The following ST18 variants were observed in gnomAD, a reference collection of about 807,000 sequenced individuals.
The protein encoded by ST18 is ST18 C2H2C-type zinc finger transcription factor, also known as suppression of tumorigenicity 18 protein.
Under a neutral mutation model 110.0 loss-of-function variants are expected in ST18, and 50 were observed. The ratio of observed to expected loss-of-function variants is 0.45; its 90% CI spans 0.36 to 0.58. ST18 has a LOEUF of 0.58. Ranked by LOEUF, ST18 falls within the 20% of genes least tolerant of loss-of-function variation. The pLI is 0.00. For synonymous variants in ST18, 461 were observed against 452.4 expected (o/e 1.02, Z -0.24); for missense variants, 1,306 against 1,280.1 (o/e 1.02, Z -0.31).
intron 6 of ST18, 34 bp from the exon 7 acceptor site, chr8:52,214,291 C>G: frequency 6.2e-7 from 1 of 1,610,422 alleles, no homozygotes; most frequent in Admixed American, 1.7e-5. Flanking sequence ...GAGGTCATTC[C>G]TTTGACATTG....
intron 4 of ST18, among the ~76,000 whole-genome samples, chr8:52,221,080 CCTATCTCTATCTAT>C (rs2086472816): frequency 7.6e-6 from 1 of 131,636 alleles, no homozygotes; most frequent in African/African-American, 2.9e-5. Context: ...TACCAAACTA[CCTATCTCTATCTAT>C]CTATCTATCT....
intron 15 of ST18, among the ~76,000 whole-genome samples, chr8:52,152,279 T>A (rs2132615680): frequency 6.6e-6 from 1 of 152,310 alleles, no homozygotes; most frequent in South Asian, 2.1e-4. Flanking sequence ...CAGCATGGGC[T>A]TTTATTCAGA....
At chr8:52,116,538 G>T (rs995346455) in intron 24 of ST18, 120 bp from the exon 25 acceptor site, 3 of 968,500 alleles carry the variant, frequency 3.1e-6, no homozygotes, top group African/African-American at 1.7e-5. Flanking sequence ...AGATGCATGC[G>T]TGTAACTTCT....
At chr8:52,162,712 G>C (rs1022168857) in intron 13 of ST18, among the ~76,000 whole-genome samples, 4 of 152,170 alleles carry the variant, frequency 2.6e-5, no homozygotes, top group African/African-American at 9.7e-5. Context: ...GATTTGTGTA[G>C]CACTGATTCC....
intron 10 of ST18, among the ~76,000 whole-genome samples, chr8:52,170,350 G>C (rs1259196971): frequency 6.6e-6 from 1 of 152,064 alleles, no homozygotes; most frequent in Non-Finnish European, 1.5e-5. Flanking sequence ...TAGCTACTCG[G>C]GAGGCTGAGG....
chr8:52,404,272 TA>T (rs1843707344), intron 2 of ST18: 1 of 152,226 alleles, frequency 6.6e-6, no homozygotes, highest in Admixed American at 6.5e-5. Context: ...GCATTGTCAA[TA>T]AAGGGCTTTT....
At chr8:52,405,748 A>T (rs901846924) in intron 2 of ST18, 1 of 152,130 alleles carries the variant, frequency 6.6e-6, no homozygotes, top group Non-Finnish European at 1.5e-5. Context: ...ATAAAAGTAG[A>T]TTCTTAAAAA....
chr8:52,175,162 CACCCTGTGT>C (rs1283379388), intron 9 of ST18, among the ~76,000 whole-genome samples: 1 of 152,172 alleles, frequency 6.6e-6, no homozygotes, highest in African/African-American at 2.4e-5. Context: ...CAATAGTTAT[CACCCTGTGT>C]ACCCTGTGGA....
chr8:52,245,839 A>G (rs1257494529), intron 2 of ST18, among the ~76,000 whole-genome samples: 2 of 152,150 alleles, frequency 1.3e-5, no homozygotes, highest in African/African-American at 4.8e-5. Flanking sequence ...AGTTAACTCC[A>G]CTTAATAGTG....
intron 9 of ST18, among the ~76,000 whole-genome samples, chr8:52,174,116 T>C (rs1046868645): frequency 1.3e-5 from 2 of 152,210 alleles, no homozygotes; most frequent in African/African-American, 4.8e-5. Context: ...AGTCTTTTGT[T>C]GGGATCTATT....
At chr8:52,239,905 C>A (rs1236666482) in intron 2 of ST18, among the ~76,000 whole-genome samples, 1 of 152,056 alleles carries the variant, frequency 6.6e-6, no homozygotes, top group Non-Finnish European at 1.5e-5. Flanking sequence ...GCAATCCTCC[C>A]ACCTCAGCCT....
chr8:52,262,234 C>T (rs552818496), intron 2 of ST18, among the ~76,000 whole-genome samples: 126 of 152,302 alleles, frequency 8.3e-4, no homozygotes, highest in African/African-American at 2.8e-3. Context: ...CCTAATGATC[C>T]AATTGCCTCT....
At chr8:52,381,206 A>G (rs1277950799) in intron 2 of ST18, among the ~76,000 whole-genome samples, 1 of 152,188 alleles carries the variant, frequency 6.6e-6, no homozygotes, top group Admixed American at 6.5e-5. Context: ...CCTGCGGACT[A>G]AAAACCAGTA....
At chr8:52,226,336 T>C (rs1214562540) in intron 3 of ST18, among the ~76,000 whole-genome samples, 1 of 152,174 alleles carries the variant, frequency 6.6e-6, no homozygotes, top group African/African-American at 2.4e-5. Context: ...ATGATGTGGT[T>C]TATTAACAAA....
intron 2 of ST18, among the ~76,000 whole-genome samples, chr8:52,272,496 T>A (rs114541474): frequency 0.018 from 2,686 of 152,154 alleles, 71 homozygotes; most frequent in African/African-American, 0.062. Context: ...ATCAGGGAAA[T>A]GCAAATTAAA....
At chr8:52,145,887 A>G (rs913185337) in intron 16 of ST18, among the ~76,000 whole-genome samples, 1 of 152,188 alleles carries the variant, frequency 6.6e-6, no homozygotes, top group Admixed American at 6.5e-5. Flanking sequence ...ATTTCTCAAC[A>G]CTTTCCTTTC....
chr8:52,339,749 C>T (rs1316403453), intron 2 of ST18, among the ~76,000 whole-genome samples: 1 of 152,216 alleles, frequency 6.6e-6, no homozygotes, highest in Non-Finnish European at 1.5e-5. Context: ...GCTCAGGGGC[C>T]ACTGCTCTGA....
intron 8 of ST18, among the ~76,000 whole-genome samples, chr8:52,192,454 C>G (rs2074847855): frequency 6.6e-6 from 1 of 152,140 alleles, no homozygotes; most frequent in Non-Finnish European, 1.5e-5. Flanking sequence ...GGAAAATAAC[C>G]ATGGAAATAC....
intron 2 of ST18, among the ~76,000 whole-genome samples, chr8:52,364,615 A>G (rs557434156): frequency 6.6e-6 from 1 of 152,314 alleles, no homozygotes; most frequent in South Asian, 2.1e-4. Flanking sequence ...ACTGACACCA[A>G]CATGTATTTT....
Sources: gnomAD v4.1 joint callset for allele counts (sites outside exome capture counted in the v4.1 genomes callset) on GRCh38, gnomAD v4.1.1 for gene constraint, MANE v1.5 for transcripts, NCBI Gene and HGNC (gene_info 2026-07-23, HGNC 2026-07-21) for gene names.